The following MSI2 variants were observed in gnomAD, a reference collection of about 807,000 sequenced individuals.
MSI2 encodes the protein RNA-binding protein Musashi homolog 2.
In MSI2, 17 loss-of-function variants were observed where a neutral mutation model predicts 45.6. The observed-to-expected ratio is 0.37, with a 90% CI of 0.26 to 0.56. MSI2 has a LOEUF of 0.56. Among genes scored for constraint, MSI2 ranks in the 20% least tolerant of loss-of-function variants. The pLI is 0.77. For missense variants in MSI2, 293 were observed against 444.2 expected, an observed-to-expected ratio of 0.66 and a Z score of 3.06; for synonymous variants, 156 against 158.2, an observed-to-expected ratio of 0.99 and a Z score of 0.11.
chr17:57,320,716 G>A (rs1913261646), intron 5 of MSI2, among the ~76,000 whole-genome samples: 2 of 152,144 alleles, frequency 1.3e-5, no homozygotes, highest in Non-Finnish European at 2.9e-5. Context: ...CTGGTTGAGG[G>A]ATGCCCCTGG....
intron 5 of MSI2, among the ~76,000 whole-genome samples, chr17:57,339,542 T>C (rs1299224754): frequency 6.6e-6 from 1 of 152,170 alleles, no homozygotes; most frequent in Non-Finnish European, 1.5e-5. Context: ...TCGTGGATGA[T>C]GGTCTGTGTG....
At chr17:57,266,189 CACTT>C (rs1479516508) in intron 5 of MSI2, 1 of 152,138 alleles carries the variant, frequency 6.6e-6, no homozygotes, top group Admixed American at 6.5e-5. Context: ...AGGGGCGAGT[CACTT>C]AAGCCTCCCC....
At chr17:57,660,639 G>A (rs1018186744) in intron 11 of MSI2, among the ~76,000 whole-genome samples, 3 of 152,208 alleles carry the variant, frequency 2.0e-5, no homozygotes, top group African/African-American at 7.2e-5. Flanking sequence ...AGAGGAGGAA[G>A]TGATCAGCTT....
chr17:57,555,209 C>T (rs2087403723), intron 7 of MSI2, among the ~76,000 whole-genome samples: 2 of 152,226 alleles, frequency 1.3e-5, no homozygotes, highest in Non-Finnish European at 2.9e-5. Context: ...AGCGTCCGCA[C>T]CGCCAGCTCT....
At chr17:57,477,867 G>A (rs1207856764) in intron 6 of MSI2, among the ~76,000 whole-genome samples, 1 of 152,214 alleles carries the variant, frequency 6.6e-6, no homozygotes, top group Non-Finnish European at 1.5e-5. Context: ...GCAGTCATGA[G>A]TGGAAGGCAT....
chr17:57,385,546 A>C (rs1165282375), intron 5 of MSI2, among the ~76,000 whole-genome samples: 1 of 152,046 alleles, frequency 6.6e-6, no homozygotes, highest in Non-Finnish European at 1.5e-5. Context: ...AGCTACTCAC[A>C]AGGCTGAGGC....
intron 6 of MSI2, among the ~76,000 whole-genome samples, chr17:57,492,808 A>C (rs879697359): frequency 3.9e-5 from 6 of 152,070 alleles, no homozygotes; most frequent in Non-Finnish European, 8.8e-5. Context: ...TGTTGGCTAG[A>C]CTGGTCTCAA....
At chr17:57,312,074 C>T (rs1162199087) in intron 5 of MSI2, among the ~76,000 whole-genome samples, 1 of 152,192 alleles carries the variant, frequency 6.6e-6, no homozygotes, top group Non-Finnish European at 1.5e-5. Context: ...TCACTGTGTT[C>T]AGGTCGGAGA....
intron 4 of MSI2, among the ~76,000 whole-genome samples, chr17:57,260,345 T>C (rs1409452907): frequency 6.6e-6 from 1 of 152,176 alleles, no homozygotes; most frequent in Admixed American, 6.5e-5. Context: ...GAGTTCTGAA[T>C]TGGCTTTTTC....
At chr17:57,679,179 A>G (rs1471520472) in intron 13 of MSI2, among the ~76,000 whole-genome samples, 1 of 152,190 alleles carries the variant, frequency 6.6e-6, no homozygotes, top group Admixed American at 6.5e-5. Flanking sequence ...TGAAAACAGA[A>G]GTTTAAACAG....
At chr17:57,659,608 AC>A (rs1372962520) in intron 11 of MSI2, among the ~76,000 whole-genome samples, 1 of 152,118 alleles carries the variant, frequency 6.6e-6, no homozygotes, top group East Asian at 1.9e-4. Flanking sequence ...AAGGTGAAGA[AC>A]CCTGGACTTG....
intron 10 of MSI2, among the ~76,000 whole-genome samples, chr17:57,643,804 A>T (rs1910433842): frequency 6.6e-6 from 1 of 152,222 alleles, no homozygotes; most frequent in African/African-American, 2.4e-5. Flanking sequence ...ATTAAAAATT[A>T]TCTGGGGCAC....
intron 6 of MSI2, among the ~76,000 whole-genome samples, chr17:57,445,385 A>T (rs916665694): frequency 1.3e-5 from 2 of 152,114 alleles, no homozygotes; most frequent in Non-Finnish European, 2.9e-5. Context: ...GTGAAAGTTG[A>T]CTTTACCTCC....
intron 5 of MSI2, among the ~76,000 whole-genome samples, chr17:57,354,701 G>A (rs897234974): frequency 6.6e-6 from 1 of 152,106 alleles, no homozygotes; most frequent in African/African-American, 2.4e-5. Context: ...GAGGAAGGGG[G>A]TGGGAGAGGA....
intron 6 of MSI2, among the ~76,000 whole-genome samples, chr17:57,433,760 A>G (rs192586746): frequency 2.0e-5 from 3 of 152,316 alleles, no homozygotes; most frequent in African/African-American, 7.2e-5. Flanking sequence ...AGAGTTGATC[A>G]GCCCCAGAGA....
intron 3 of MSI2, 126 bp from the exon 4 acceptor site, chr17:57,258,144 G>T: frequency 1.4e-6 from 1 of 708,610 alleles, no homozygotes; most frequent in Non-Finnish European, 2.5e-6. Context: ...TGGAGGAGGG[G>T]AGTGGGAGGT....
intron 6 of MSI2, among the ~76,000 whole-genome samples, chr17:57,458,340 T>A (rs1376944732): frequency 1.3e-5 from 2 of 152,162 alleles, no homozygotes; most frequent in Non-Finnish European, 2.9e-5. Flanking sequence ...GACCTCGTGA[T>A]CCACCCGCCT....
chr17:57,319,356 C>T (rs972407113), intron 5 of MSI2, among the ~76,000 whole-genome samples: 3 of 152,166 alleles, frequency 2.0e-5, no homozygotes, highest in Non-Finnish European at 4.4e-5. Context: ...ATGGCCAGGA[C>T]GGGAACATGA....
At chr17:57,543,344 G>A (rs1242134773) in intron 7 of MSI2, among the ~76,000 whole-genome samples, 4 of 152,226 alleles carry the variant, frequency 2.6e-5, no homozygotes. Context: ...AACACTGAAA[G>A]TATTGGTTTG....
Sources: allele counts gnomAD v4.1 joint callset (sites outside exome capture counted in the v4.1 genomes callset), GRCh38; gene constraint gnomAD v4.1.1; transcripts MANE v1.5; gene names NCBI Gene and HGNC (gene_info 2026-07-23, HGNC 2026-07-21).